REEP1: variants seen among roughly 807,000 people sequenced by gnomAD.
REEP1 encodes the protein receptor accessory protein 1.
REEP1 carries 22 observed loss-of-function variants against 40.3 expected under a neutral mutation model. The observed-to-expected ratio is 0.55, with a 90% CI of 0.39 to 0.78. REEP1 has a LOEUF of 0.78. Ranked by LOEUF, REEP1 falls within the 30% of genes least tolerant of loss-of-function variation. The pLI, the probability that REEP1 is intolerant of heterozygous loss-of-function variation, is 0.00. For missense variants in REEP1, 280 were observed against 361.1 expected, an observed-to-expected ratio of 0.78 and a Z score of 1.82; for synonymous variants, 116 against 139.2, an observed-to-expected ratio of 0.83 and a Z score of 1.17.
intron 3 of REEP1, among the ~76,000 whole-genome samples, chr2:86,263,375 G>A (rs1558898122): frequency 6.6e-6 from 1 of 152,062 alleles, no homozygotes; most frequent in African/African-American, 2.4e-5. Flanking sequence ...GACTACAGGT[G>A]TGCACCACCA....
intron 1 of REEP1, among the ~76,000 whole-genome samples, chr2:86,300,579 C>G (rs557316655): frequency 6.6e-6 from 1 of 152,094 alleles, no homozygotes; most frequent in Non-Finnish European, 1.5e-5. Context: ...CAGAGAGAGT[C>G]GAGCAGATGT....
At position 86,215,023 on chromosome 2, in the gene REEP1, C is replaced by CTTTTTTTTTTTTT. The variant is rs11350708; in HGVS notation, c.*2003_*2015dup. On this transcript the variant is annotated 3_prime_UTR_variant, in exon 9 of 9. Coordinates refer to ENST00000538924, the MANE Select transcript of REEP1 (RefSeq NM_001371279.1). ...AAAAATTGCTAAGAAGCTGTGTAAG[C>CTTTTTTTTTTTTT]TTTTTTTTTTTTTTTTTTTTTTTGC... The CTTTTTTTTTTTTT allele has an allele frequency of 7.6e-4, 45 of 59,572 alleles. No homozygotes were observed. The highest frequency in any genetic ancestry group is 1.5e-3 in the African/African-American group (22 of 15,122). 3.7% of individuals were successfully genotyped at this position (59,572 alleles called of 1,614,324 possible).
chr2:86,217,629 C>T (rs899057422), intron 8 of REEP1, among the ~76,000 whole-genome samples: 14 of 149,698 alleles, frequency 9.4e-5, no homozygotes, highest in Admixed American at 3.3e-4. Context: ...ATCCCTTATC[C>T]GGAAATGCCT....
chr2:86,262,339 A>G (rs1161534429), intron 3 of REEP1, among the ~76,000 whole-genome samples: 3 of 152,192 alleles, frequency 2.0e-5, no homozygotes, highest in Non-Finnish European at 4.4e-5. Flanking sequence ...GAGACAAGGG[A>G]TGGCTCAGCA....
intron 2 of REEP1, chr2:86,279,951 T>C: frequency 2.2e-6 from 1 of 456,252 alleles, no homozygotes; most frequent in South Asian, 1.5e-5. Context: ...TATAGGAGGC[T>C]ACTGTAACCT....
At chr2:86,247,072 A>AAG (rs909662001) in intron 5 of REEP1, among the ~76,000 whole-genome samples, 1 of 150,898 alleles carries the variant, frequency 6.6e-6, no homozygotes, top group African/African-American at 2.4e-5. Context: ...TTTTTTTTTT[A>AAG]AGAGAGAGAC....
intron 1 of REEP1, among the ~76,000 whole-genome samples, chr2:86,284,691 G>A (rs1277286715): frequency 1.3e-5 from 2 of 152,214 alleles, no homozygotes; most frequent in African/African-American, 4.8e-5. Context: ...GAGCAGCAGA[G>A]GAGAGACAGG....
intron 6 of REEP1, among the ~76,000 whole-genome samples, chr2:86,229,459 G>T (rs2104023730): frequency 6.6e-6 from 1 of 152,218 alleles, no homozygotes; most frequent in Non-Finnish European, 1.5e-5. Flanking sequence ...GAGTACACCA[G>T]CCCGGTATAA....
chr2:86,325,277 G>C (rs1469288091), intron 1 of REEP1, among the ~76,000 whole-genome samples: 1 of 152,160 alleles, frequency 6.6e-6, no homozygotes, highest in Non-Finnish European at 1.5e-5. Flanking sequence ...AGATAAAGAC[G>C]TTAGAACATC....
intron 6 of REEP1, among the ~76,000 whole-genome samples, chr2:86,227,859 G>T (rs1246267583): frequency 2.1e-5 from 1 of 48,762 alleles, no homozygotes; most frequent in Non-Finnish European, 9.5e-5. Flanking sequence ...GTGCACATCT[G>T]GGCCTTGGCA....
At chr2:86,303,386 T>C (rs978369557) in intron 1 of REEP1, among the ~76,000 whole-genome samples, 5 of 152,022 alleles carry the variant, frequency 3.3e-5, no homozygotes, top group Non-Finnish European at 7.4e-5. Context: ...TGGCTAATTT[T>C]TTTTGTATTT....
chr2:86,248,401 G>A (rs182493861), intron 5 of REEP1, among the ~76,000 whole-genome samples: 1 of 151,968 alleles, frequency 6.6e-6, no homozygotes. Flanking sequence ...GGTTTCCTTG[G>A]GACAGGCCTA....
chr2:86,335,012 G>A (rs1462048578), intron 1 of REEP1, among the ~76,000 whole-genome samples: 3 of 152,214 alleles, frequency 2.0e-5, no homozygotes, highest in African/African-American at 7.2e-5. Context: ...TGGGCGTTCT[G>A]ACTCCAAACA....
intron 1 of REEP1, among the ~76,000 whole-genome samples, chr2:86,302,708 T>G (rs887727451): frequency 5.9e-5 from 9 of 152,250 alleles, no homozygotes; most frequent in African/African-American, 2.2e-4. Context: ...ATTAATATAT[T>G]AATGTTAAGT....
rs1324368562 is a variant in REEP1 at position 86,299,005 on chromosome 2, T to A, written c.33-16763A>T. 3.3e-5 allele frequency among the ~76,000 whole-genome samples: 5 copies of A among 152,182 alleles called. No individual in the cohort carries two copies. The East Asian group carries it at 9.6e-4, about 29-fold the overall frequency. On this transcript the variant is annotated intron_variant, in intron 1 of 8. Coordinates refer to ENST00000538924, the MANE Select transcript of REEP1 (RefSeq NM_001371279.1). Reference sequence around the variant, plus strand: ...AGCAATCAATGAAGCAAAGCTGGGATGTTAAGAACTGACTCTATTCTTGAT... The same window carrying A: ...AGCAATCAATGAAGCAAAGCTGGGAAGTTAAGAACTGACTCTATTCTTGAT...
At chr2:86,304,815 T>C (rs1016548848) in intron 1 of REEP1, among the ~76,000 whole-genome samples, 13 of 152,182 alleles carry the variant, frequency 8.5e-5, no homozygotes, top group African/African-American at 2.9e-4. Flanking sequence ...CAGATTTTTT[T>C]CCCCAGGAAT....
intron 3 of REEP1, among the ~76,000 whole-genome samples, chr2:86,257,911 C>T (rs1231803503): frequency 1.3e-5 from 2 of 152,256 alleles, no homozygotes; most frequent in East Asian, 1.9e-4. Context: ...CATGAGCCAC[C>T]GCGCCCGGCC....
chr2:86,281,548 A>G (rs1406317632), intron 2 of REEP1, among the ~76,000 whole-genome samples: 4 of 152,148 alleles, frequency 2.6e-5, no homozygotes. Flanking sequence ...GAATCTCTTG[A>G]ACCCGGGAGG....
Position 86,226,265 on chromosome 2 carries a change from A to G in REEP1, c.631+1098T>C, listed in dbSNP as rs189301937. On this transcript the variant is annotated intron_variant, in intron 7 of 8. Coordinates refer to ENST00000538924, the MANE Select transcript of REEP1 (RefSeq NM_001371279.1). ...ATCTCCGTTTTAAGAGGAGGAACTG[A>G]AGCTCACAGCGGTTAGGTGATTCAC... Among the ~76,000 whole-genome samples the G allele has an allele frequency of 5.8e-4, 89 of 152,212 alleles. 1 individual carries two copies. Among genetic ancestry groups the G allele is most frequent in the African/African-American group, 2.0e-3 (81 of 41,532 alleles).
Sources: gnomAD v4.1 joint callset for allele counts (sites outside exome capture counted in the v4.1 genomes callset) on GRCh38, gnomAD v4.1.1 for gene constraint, MANE v1.5 for transcripts, NCBI Gene and HGNC (gene_info 2026-07-23, HGNC 2026-07-21) for gene names.